Variants in CNTN3 observed in about 807,000 individuals in gnomAD.
The protein encoded by CNTN3 is contactin-3.
In CNTN3, 60 loss-of-function variants were observed where a neutral mutation model predicts 119.1. That is an observed-to-expected ratio of 0.50 (90% CI 0.41 to 0.62). The LOEUF is 0.62. Among genes scored for constraint, CNTN3 ranks in the 20% least tolerant of loss-of-function variants. CNTN3 has a pLI of 0.00. For missense variants in CNTN3, 1,101 were observed against 1,242.4 expected, an observed-to-expected ratio of 0.89 and a Z score of 1.71; for synonymous variants, 450 against 438.7, an observed-to-expected ratio of 1.03 and a Z score of -0.32.
rs530716975 is a variant in CNTN3 at position 74,395,999 on chromosome 3, C to A, written c.455-24600G>T. ...CATGAACCCTGCTCATGTAAGATGG[C>A]AAACTTGATTAATAAATGTTCTATG... On this transcript the variant is annotated intron_variant, in intron 5 of 22. Transcript: ENST00000263665. Among the ~76,000 whole-genome samples the A allele has an allele frequency of 1.1e-4, 17 of 152,228 alleles. No individual in the cohort carries two copies. In the South Asian group the frequency reaches 3.1e-3, roughly 28 times the overall value.
At chr3:74,490,689 C>T (rs1044996821) in intron 3 of CNTN3, among the ~76,000 whole-genome samples, 10 of 152,254 alleles carry the variant, frequency 6.6e-5, no homozygotes, top group African/African-American at 2.2e-4. Context: ...TACACACAAA[C>T]GCTTCTCACT....
intron 3 of CNTN3, among the ~76,000 whole-genome samples, chr3:74,491,264 G>A (rs1363443988): frequency 2.0e-5 from 3 of 152,048 alleles, no homozygotes; most frequent in Non-Finnish European, 4.4e-5. Flanking sequence ...ACTTTGGGAG[G>A]CCAAGCTGGG....
chr3:74,400,688 T>C (rs866716896), intron 5 of CNTN3, among the ~76,000 whole-genome samples: 3 of 152,198 alleles, frequency 2.0e-5, no homozygotes, highest in Non-Finnish European at 2.9e-5. Context: ...TATGGATTAA[T>C]ATTACCATAT....
chr3:74,267,487 C>T (rs1701685646), intron 20 of CNTN3, 109 bp from the exon 21 acceptor site: 2 of 731,734 alleles, frequency 2.7e-6, no homozygotes, highest in East Asian at 2.5e-5. Flanking sequence ...AACGGGATGC[C>T]TTTGGTAATG....
At chr3:74,509,085 T>G (rs1431502407) in intron 2 of CNTN3, among the ~76,000 whole-genome samples, 1 of 152,166 alleles carries the variant, frequency 6.6e-6, no homozygotes. Flanking sequence ...CATATTTTAT[T>G]TTGTTTTCAG....
intron 2 of CNTN3, among the ~76,000 whole-genome samples, chr3:74,500,703 C>T (rs1223838869): frequency 1.3e-5 from 2 of 151,900 alleles, no homozygotes; most frequent in Non-Finnish European, 2.9e-5. Flanking sequence ...TTGGCTACTT[C>T]GAATAGCAGT....
chr3:74,376,889 T>G (rs1174385587), intron 5 of CNTN3, among the ~76,000 whole-genome samples: 1 of 151,124 alleles, frequency 6.6e-6, no homozygotes, highest in African/African-American at 2.4e-5. Flanking sequence ...CTAAGTGCTT[T>G]GGCTAGAATT....
intron 8 of CNTN3, among the ~76,000 whole-genome samples, chr3:74,366,780 G>GTGTGTGTATATATATATATA (rs1447686332): frequency 1.6e-5 from 1 of 63,714 alleles, no homozygotes; most frequent in African/African-American, 8.5e-5. Flanking sequence ...GTGTGTGTGT[G>GTGTGTGTATATATATATATA]TATATATATA....
At chr3:74,518,736 C>T (rs1703493123) in intron 2 of CNTN3, among the ~76,000 whole-genome samples, 1 of 151,872 alleles carries the variant, frequency 6.6e-6, no homozygotes, top group African/African-American at 2.4e-5. Flanking sequence ...TAAGGGAAGA[C>T]TAGTACAGAA....
At chr3:74,387,004 A>G (rs1704766548) in intron 5 of CNTN3, among the ~76,000 whole-genome samples, 1 of 152,208 alleles carries the variant, frequency 6.6e-6, no homozygotes, top group African/African-American at 2.4e-5. Context: ...GAGGCGGCAG[A>G]CAAAAACAAC....
At chr3:74,397,207 C>T (rs575228265) in intron 5 of CNTN3, among the ~76,000 whole-genome samples, 5 of 152,168 alleles carry the variant, frequency 3.3e-5, no homozygotes, top group African/African-American at 1.2e-4. Context: ...AATGGAAGAA[C>T]AAAACATGGG....
rs1308969632 is a variant in CNTN3 at position 74,263,407 on chromosome 3, T to A, written c.*994A>T. Reference sequence around the variant, plus strand: ...AAATTGAAATGAGGGATTATGTGGATTTTGTTTAATATTTGGGTTGAGATT... The same window carrying A: ...AAATTGAAATGAGGGATTATGTGGAATTTGTTTAATATTTGGGTTGAGATT... On this transcript the variant is annotated 3_prime_UTR_variant, in exon 23 of 23. Coordinates refer to ENST00000263665, the MANE Select transcript of CNTN3 (RefSeq NM_020872.3). 1 of 152,154 alleles carries A rather than the reference T, an allele frequency of 6.6e-6. No homozygotes were observed. Among genetic ancestry groups the A allele is most frequent in the Non-Finnish European group, 1.5e-5 (1 of 67,996 alleles). The allele number at this position is 152,154 out of a possible 1,614,324, so 9.4% of individuals were successfully genotyped here.
chr3:74,614,641 C>T lies in CNTN3; in HGVS notation c.-331G>A, dbSNP rs1705144177. On this transcript the variant is annotated 5_prime_UTR_variant, in exon 1 of 23. Transcript: ENST00000263665. ...AAGCGCCAGGCTGCTGTGGCTGCTG[C>T]CGGCGCCTAGCGAGCACTGCCCGTG... 6.7e-6 allele frequency among the ~76,000 whole-genome samples: 1 copy of T among 149,382 alleles called. No homozygotes were observed. Among genetic ancestry groups the T allele is most frequent in the African/African-American group, 2.4e-5 (1 of 41,196 alleles).
chr3:74,537,025 C>A (rs560872632), intron 1 of CNTN3, among the ~76,000 whole-genome samples: 1 of 147,356 alleles, frequency 6.8e-6, no homozygotes, highest in African/African-American at 2.5e-5. Context: ...GCTGGCCTAA[C>A]AAAACTTGCC....
intron 1 of CNTN3, among the ~76,000 whole-genome samples, chr3:74,558,926 T>C (rs987143914): frequency 4.7e-4 from 72 of 151,646 alleles, no homozygotes; most frequent in African/African-American, 1.7e-3. Flanking sequence ...GAGGTTGCAG[T>C]GAGCTGAGAT....
At chr3:74,353,414 A>G (rs1703859831) in intron 11 of CNTN3, among the ~76,000 whole-genome samples, 1 of 152,212 alleles carries the variant, frequency 6.6e-6, no homozygotes, top group Non-Finnish European at 1.5e-5. Flanking sequence ...CCTTTATGGA[A>G]CTACTTGATC....
intron 4 of CNTN3, among the ~76,000 whole-genome samples, chr3:74,442,154 C>T (rs1575728926): frequency 9.8e-6 from 1 of 101,730 alleles, no homozygotes; most frequent in Non-Finnish European, 2.1e-5. Flanking sequence ...AGTACACACA[C>T]ACACACACAC....
intron 1 of CNTN3, among the ~76,000 whole-genome samples, chr3:74,582,220 C>T (rs915138774): frequency 9.9e-5 from 15 of 152,098 alleles, no homozygotes; most frequent in Non-Finnish European, 2.1e-4. Flanking sequence ...TCCTGGCTAA[C>T]ACAGTGAAAC....
At chr3:74,422,298 T>C (rs1028744146) in intron 5 of CNTN3, among the ~76,000 whole-genome samples, 16 of 152,208 alleles carry the variant, frequency 1.1e-4, no homozygotes, top group African/African-American at 3.9e-4. Flanking sequence ...TTTTGGTGAA[T>C]GTTATTTGCT....
Sources: allele counts gnomAD v4.1 joint callset (sites outside exome capture counted in the v4.1 genomes callset), GRCh38; gene constraint gnomAD v4.1.1; transcripts MANE v1.5; gene names NCBI Gene and HGNC (gene_info 2026-07-23, HGNC 2026-07-21).